The following SLC1A2 variants were observed in gnomAD, a reference collection of about 807,000 sequenced individuals.
SLC1A2 encodes excitatory amino acid transporter 2.
A neutral mutation model predicts 48.8 loss-of-function variants in SLC1A2; 15 were observed. The observed-to-expected ratio is 0.31, with a 90% CI of 0.21 to 0.47. The LOEUF (loss-of-function observed/expected upper bound fraction) is 0.47, where lower values mean the gene tolerates loss of function less well. Ranked by LOEUF, SLC1A2 falls within the 20% of genes least tolerant of loss-of-function variation. The pLI is 0.99. For synonymous variants in SLC1A2, 279 were observed against 272.6 expected, an observed-to-expected ratio of 1.02 and a Z score of -0.23; for missense variants, 502 against 730.5, an observed-to-expected ratio of 0.69 and a Z score of 3.61.
chr11:35,285,261 G>A (rs1850775610), intron 8 of SLC1A2: 1 of 152,192 alleles, frequency 6.6e-6, no homozygotes, highest in East Asian at 1.9e-4. Flanking sequence ...ATGAGACCTA[G>A]GTTTGTCAGA....
chr11:35,263,461 T>C (rs1950428611), intron 10 of SLC1A2, among the ~76,000 whole-genome samples: 1 of 152,004 alleles, frequency 6.6e-6, no homozygotes, highest in Non-Finnish European at 1.5e-5. Context: ...AGAGTGAAAC[T>C]CCGTCTTAAA....
chr11:35,311,924 CGGGGGG>C (rs1173512245), intron 4 of SLC1A2, among the ~76,000 whole-genome samples: 2 of 1,998 alleles, frequency 1.0e-3, no homozygotes, highest in Non-Finnish European at 2.0e-3. Flanking sequence ...GAGAGAGAGG[CGGGGGG>C]GGGGGGTGGG....
At chr11:35,330,332 C>T (rs4083481) in intron 1 of SLC1A2, among the ~76,000 whole-genome samples, 29,744 of 152,186 alleles carry the variant, frequency 0.2, 3,432 homozygotes, top group Admixed American at 0.27. Context: ...ACCTCCAGCA[C>T]GTCAGATTCT....
Position 35,371,136 on chromosome 11 carries a change from C to T in SLC1A2, c.17+47814G>A, listed in dbSNP as rs76794028. On this transcript the variant is annotated intron_variant, in intron 1 of 10. Transcript: ENST00000278379. ...GCTACCCTCAGTGAGAACCCTTTGC[C>T]TCATTCATCCTAAAGCAACCTACTT... The T allele has an allele frequency of 2.0e-4, 192 of 939,924 alleles. No homozygotes were observed. The East Asian group carries it at 9.6e-3, about 47-fold the overall frequency. The allele number at this position is 939,924 out of a possible 1,614,324, so 58.2% of individuals were successfully genotyped here.
chr11:35,362,619 C>A (rs1199043721), intron 1 of SLC1A2, among the ~76,000 whole-genome samples: 2 of 152,188 alleles, frequency 1.3e-5, no homozygotes, highest in South Asian at 2.1e-4. Flanking sequence ...TGGAATGTGG[C>A]ATGCAACATA....
intron 1 of SLC1A2, among the ~76,000 whole-genome samples, chr11:35,328,718 A>T (rs1056104984): frequency 6.6e-6 from 1 of 152,154 alleles, no homozygotes; most frequent in African/African-American, 2.4e-5. Flanking sequence ...CTGTTGGGGG[A>T]TGGGAAGGAT....
At chr11:35,267,457 T>C in intron 9 of SLC1A2, among the ~76,000 whole-genome samples, 1 of 152,342 alleles carries the variant, frequency 6.6e-6, no homozygotes, top group East Asian at 1.9e-4. Flanking sequence ...ATTTATTCTA[T>C]GATGTATAAT....
At chr11:35,391,998 T>A (rs1372993528) in intron 1 of SLC1A2, among the ~76,000 whole-genome samples, 1 of 152,204 alleles carries the variant, frequency 6.6e-6, no homozygotes, top group Non-Finnish European at 1.5e-5. Flanking sequence ...AGAGCCTGCT[T>A]GCAAGCAGGG....
intron 1 of SLC1A2, among the ~76,000 whole-genome samples, chr11:35,386,987 C>A (rs1003413436): frequency 6.6e-6 from 1 of 152,060 alleles, no homozygotes; most frequent in Admixed American, 6.6e-5. Flanking sequence ...CCAGGCTGGT[C>A]TTGAACTTCT....
chr11:35,380,551 GAC>G (rs1178503356), intron 1 of SLC1A2: 3 of 397,034 alleles, frequency 7.6e-6, no homozygotes, highest in African/African-American at 6.2e-5. Flanking sequence ...GCTGCAAAAA[GAC>G]AGTGCAAACA....
intron 8 of SLC1A2, chr11:35,286,168 A>G (rs969903123): frequency 6.6e-6 from 1 of 152,266 alleles, no homozygotes; most frequent in African/African-American, 2.4e-5. Flanking sequence ...AATGATGAAT[A>G]CATTTAAATA....
chr11:35,382,811 T>C (rs1447653917), intron 1 of SLC1A2, among the ~76,000 whole-genome samples: 1 of 151,154 alleles, frequency 6.6e-6, no homozygotes, highest in Admixed American at 6.6e-5. Flanking sequence ...AAAAAAAAAG[T>C]CCTCCTAAAG....
intron 1 of SLC1A2, among the ~76,000 whole-genome samples, chr11:35,388,806 G>T (rs1353355335): frequency 2.6e-5 from 4 of 152,214 alleles, no homozygotes; most frequent in Non-Finnish European, 5.9e-5. Flanking sequence ...TGCTCAGAAA[G>T]CATGAGCAGG....
intron 1 of SLC1A2, among the ~76,000 whole-genome samples, chr11:35,346,141 G>A (rs1189259388): frequency 6.6e-6 from 1 of 152,076 alleles, no homozygotes; most frequent in Non-Finnish European, 1.5e-5. Context: ...ATGTGCCATG[G>A]TGGTTTGCTG....
At chr11:35,278,173 G>C (rs941212280) in intron 9 of SLC1A2, among the ~76,000 whole-genome samples, 2 of 151,716 alleles carry the variant, frequency 1.3e-5, no homozygotes, top group African/African-American at 4.8e-5. Context: ...ATTTTCTGAT[G>C]ATGAAGGAGC....
chr11:35,296,305 T>C (rs1851171418), intron 6 of SLC1A2, among the ~76,000 whole-genome samples: 1 of 152,186 alleles, frequency 6.6e-6, no homozygotes, highest in South Asian at 2.1e-4. Context: ...CAATAGCTTG[T>C]CAATAGACCT....
chr11:35,297,149 C>T (rs565573128), intron 6 of SLC1A2, among the ~76,000 whole-genome samples: 96 of 152,198 alleles, frequency 6.3e-4, no homozygotes, highest in African/African-American at 2.0e-3. Flanking sequence ...TTATAAAATC[C>T]GGTTTAGCAA....
At chr11:35,388,377 A>C (rs770606952) in intron 1 of SLC1A2, among the ~76,000 whole-genome samples, 2 of 152,100 alleles carry the variant, frequency 1.3e-5, no homozygotes, top group Non-Finnish European at 2.9e-5. Flanking sequence ...ATTCGAAATA[A>C]TCTCAGACAT....
At chr11:35,300,449 C>A (rs529251806) in intron 6 of SLC1A2, among the ~76,000 whole-genome samples, 1 of 152,320 alleles carries the variant, frequency 6.6e-6, no homozygotes, top group African/African-American at 2.4e-5. Flanking sequence ...GAGGGCTGTG[C>A]CCTCTTCAAT....
Sources: allele counts gnomAD v4.1 joint callset (sites outside exome capture counted in the v4.1 genomes callset), GRCh38; gene constraint gnomAD v4.1.1; transcripts MANE v1.5; gene names NCBI Gene and HGNC (gene_info 2026-07-23, HGNC 2026-07-21).